The following CA10 variants were observed in gnomAD, a reference collection of about 807,000 sequenced individuals.
CA10 encodes carbonic anhydrase 10 (inactive).
CA10 carries 14 observed loss-of-function variants against 44.2 expected under a neutral mutation model. The observed-to-expected ratio is 0.32, with a 90% confidence interval of 0.21 to 0.50. CA10 has a LOEUF of 0.50. CA10 is among the 20% of genes least tolerant of loss of function. The pLI, the probability that CA10 is intolerant of heterozygous loss-of-function variation, is 0.99. For missense variants in CA10, 350 were observed against 409.7 expected, an observed-to-expected ratio of 0.85 and a Z score of 1.26; for synonymous variants, 159 against 141.6, an observed-to-expected ratio of 1.12 and a Z score of -0.87.
intron 3 of CA10, among the ~76,000 whole-genome samples, chr17:51,926,611 G>A (rs543748444): frequency 5.3e-5 from 8 of 152,100 alleles, no homozygotes; most frequent in African/African-American, 1.4e-4. Flanking sequence ...GTTTCTTTGC[G>A]CTTTGCAGCT....
intron 3 of CA10, chr17:51,763,149 T>C (rs1297311435): frequency 6.6e-6 from 1 of 152,240 alleles, no homozygotes; most frequent in African/African-American, 2.4e-5. Context: ...TATATTGCAA[T>C]AATCAATATC....
chr17:51,864,126 C>T (rs1053234317), intron 3 of CA10, among the ~76,000 whole-genome samples: 5 of 152,196 alleles, frequency 3.3e-5, no homozygotes, highest in African/African-American at 9.6e-5. Flanking sequence ...TGAGTCACCT[C>T]ATTAGCAAAA....
intron 1 of CA10, among the ~76,000 whole-genome samples, chr17:52,125,479 G>T (rs1989099234): frequency 1.3e-5 from 2 of 152,148 alleles, no homozygotes; most frequent in South Asian, 2.1e-4. Flanking sequence ...AAGAGCCAGA[G>T]AATTAGCTTA....
intron 2 of CA10, among the ~76,000 whole-genome samples, chr17:51,993,866 C>T (rs899039190): frequency 6.6e-6 from 1 of 151,980 alleles, no homozygotes; most frequent in South Asian, 2.1e-4. Flanking sequence ...TGATAAATTA[C>T]TCTCTTCTTT....
At chr17:52,127,596 GAGGTAGTC>G (rs1184955021) in intron 1 of CA10, among the ~76,000 whole-genome samples, 1 of 152,140 alleles carries the variant, frequency 6.6e-6, no homozygotes, top group African/African-American at 2.4e-5. Context: ...GTATTCTAGG[GAGGTAGTC>G]AGTTGGGCAG....
chr17:52,055,346 G>GAAAAAAAAA (rs10719126), intron 2 of CA10, among the ~76,000 whole-genome samples: 1 of 122,820 alleles, frequency 8.1e-6, no homozygotes, highest in Admixed American at 8.0e-5. Context: ...TCCTTCTGGT[G>GAAAAAAAAA]AAAAAAAAAA....
intron 4 of CA10, among the ~76,000 whole-genome samples, chr17:51,668,567 G>A (rs183446407): frequency 1.3e-5 from 2 of 152,316 alleles, no homozygotes; most frequent in Admixed American, 1.3e-4. Context: ...ACTTGGTCAA[G>A]CTGCTGTTTT....
chr17:52,122,143 G>A (rs1049467022), intron 1 of CA10, among the ~76,000 whole-genome samples: 2 of 152,316 alleles, frequency 1.3e-5, no homozygotes, highest in Non-Finnish European at 2.9e-5. Context: ...AGTCAAATTT[G>A]TATTAAGAAC....
At chr17:51,796,176 T>C (rs1418369164) in intron 3 of CA10, among the ~76,000 whole-genome samples, 2 of 152,152 alleles carry the variant, frequency 1.3e-5, no homozygotes, top group African/African-American at 2.4e-5. Context: ...AGTTAGATGT[T>C]ACCGATGGAA....
intron 2 of CA10, among the ~76,000 whole-genome samples, chr17:51,948,998 ATT>A (rs1167154286): frequency 1.3e-5 from 2 of 152,202 alleles, no homozygotes; most frequent in Non-Finnish European, 2.9e-5. Flanking sequence ...ATTAGTAAGC[ATT>A]TGTTTCATAT....
At chr17:51,680,010 C>A (rs1029833449) in intron 4 of CA10, among the ~76,000 whole-genome samples, 2 of 152,180 alleles carry the variant, frequency 1.3e-5, no homozygotes, top group Non-Finnish European at 2.9e-5. Context: ...TCTGTGACTG[C>A]TTTCCCACTA....
chr17:51,997,396 C>A (rs1484107515), intron 2 of CA10, among the ~76,000 whole-genome samples: 1 of 152,014 alleles, frequency 6.6e-6, no homozygotes, highest in African/African-American at 2.4e-5. Flanking sequence ...CATTTTGCAT[C>A]ATGCCAGGTG....
chr17:51,801,056 C>T (rs1460748025), intron 3 of CA10, among the ~76,000 whole-genome samples: 1 of 152,172 alleles, frequency 6.6e-6, no homozygotes, highest in Non-Finnish European at 1.5e-5. Context: ...ATGGACCTGC[C>T]TTTCCCTCAG....
chr17:52,030,498 A>C (rs1217985237), intron 2 of CA10, among the ~76,000 whole-genome samples: 3 of 152,168 alleles, frequency 2.0e-5, no homozygotes, highest in Non-Finnish European at 2.9e-5. Context: ...CACAAATGGG[A>C]TTCCATTTCC....
Position 51,635,863 on chromosome 17 carries a change from T to A in CA10, c.781A>T (p.Arg261Trp), listed in dbSNP as rs1384845285. The A allele has an allele frequency of 6.3e-7, 1 of 1,580,254 alleles. No homozygotes were observed. The change falls in exon 7 of 9, where the codon AGG (arginine) becomes TGG (tryptophan). Residue 261 changes from arginine (R) to tryptophan (W), a missense_variant. Coordinates refer to ENST00000451037, the MANE Select transcript of CA10 (RefSeq NM_020178.5). ...IIMNKPVYITRMQMHSLRLLS... is the reference protein window; with the variant it reads ...IIMNKPVYITWMQMHSLRLLS... ...ACCAGAGAGAAACTCACCTGCATCC[T>A]GGTTATATAGACAGGTTTGTTCATT...
chr17:51,810,837 T>C (rs1156377249), intron 3 of CA10, among the ~76,000 whole-genome samples: 1 of 152,124 alleles, frequency 6.6e-6, no homozygotes, highest in Admixed American at 6.5e-5. Flanking sequence ...TTGATCAAAA[T>C]AAATATTTTC....
Position 52,045,266 on chromosome 17 carries a change from T to C in CA10, c.136+27053A>G, listed in dbSNP as rs1986880629. ...AAAGCCCATTTCAGAAAAAAATATA[T>C]AAAAACATTCATTGCCGAGAGCTCT... On this transcript the variant is annotated intron_variant, in intron 2 of 8. Transcript: ENST00000451037. Among the ~76,000 whole-genome samples the C allele has an allele frequency of 2.0e-5, 3 of 150,660 alleles. No homozygotes were observed. In the South Asian group the frequency reaches 6.3e-4, roughly 32 times the overall value.
intron 3 of CA10, among the ~76,000 whole-genome samples, chr17:51,885,934 T>A (rs1196586622): frequency 6.6e-6 from 1 of 152,216 alleles, no homozygotes; most frequent in Non-Finnish European, 1.5e-5. Flanking sequence ...AGTTAGCCAA[T>A]AAGTAGGTGG....
intron 3 of CA10, among the ~76,000 whole-genome samples, chr17:51,825,852 C>T (rs1384079649): frequency 6.6e-6 from 1 of 152,220 alleles, no homozygotes; most frequent in Admixed American, 6.5e-5. Flanking sequence ...CTCGGACAGA[C>T]TGAACCAGTT....
Sources: allele counts gnomAD v4.1 joint callset (sites outside exome capture counted in the v4.1 genomes callset), GRCh38; gene constraint gnomAD v4.1.1; transcripts MANE v1.5; gene names NCBI Gene and HGNC (gene_info 2026-07-23, HGNC 2026-07-21).